Variants in KIAA0513 observed in about 807,000 individuals in gnomAD.
KIAA0513 encodes uncharacterized protein KIAA0513.
KIAA0513 carries 39 observed loss-of-function variants against 56.5 expected under a neutral mutation model. The observed-to-expected ratio is 0.69, with a 90% CI of 0.53 to 0.90. KIAA0513 has a LOEUF of 0.90. KIAA0513 is among the 40% of genes least tolerant of loss of function. KIAA0513 has a pLI of 0.00. For missense variants in KIAA0513, 591 were observed against 535.2 expected (o/e 1.10, Z -1.03); for synonymous variants, 268 against 215.6 (o/e 1.24, Z -2.13).
At chr16:85,047,964 G>A (rs958109034) in intron 1 of KIAA0513, among the ~76,000 whole-genome samples, 1 of 152,226 alleles carries the variant, frequency 6.6e-6, no homozygotes, top group African/African-American at 2.4e-5. Context: ...GCCACATTCA[G>A]TGGGCAGGGA....
At chr16:85,065,461 G>A (rs1035340634) in intron 1 of KIAA0513, among the ~76,000 whole-genome samples, 7 of 152,166 alleles carry the variant, frequency 4.6e-5, no homozygotes, top group Admixed American at 1.3e-4. Context: ...CTTGCTTTGC[G>A]GGGCTCCCCT....
chr16:85,090,393 C>A lies in KIAA0513; in HGVS notation c.*2068C>A, dbSNP rs961411326. 2.0e-5 allele frequency: 3 copies of A among 152,158 alleles called. No homozygotes were observed. Among genetic ancestry groups the A allele is most frequent in the African/African-American group, 4.8e-5 (2 of 41,430 alleles). 9.4% of individuals were successfully genotyped at this position (152,158 alleles called of 1,614,324 possible). A position where few individuals can be genotyped will look rare whatever the true frequency, so the allele number is the denominator to read the frequency against. On this transcript the variant is annotated 3_prime_UTR_variant, in exon 13 of 13. Coordinates refer to ENST00000683363, the MANE Select transcript of KIAA0513 (RefSeq NM_001388359.1). ...TGTTCTGCGGTGCCCACAGGACTTA[C>A]CCCTGTATGTACAGGATTTTTGTAT...
At chr16:85,073,752 G>T (rs2073614141) in intron 4 of KIAA0513, among the ~76,000 whole-genome samples, 1 of 152,206 alleles carries the variant, frequency 6.6e-6, no homozygotes, top group Non-Finnish European at 1.5e-5. Context: ...GGGCATATCT[G>T]TACCCCACTA....
At chr16:85,056,345 C>A (rs1420695752) in intron 1 of KIAA0513, among the ~76,000 whole-genome samples, 2 of 152,208 alleles carry the variant, frequency 1.3e-5, no homozygotes, top group African/African-American at 4.8e-5. Flanking sequence ...CTTTCAAACG[C>A]CCTGGAAGTT....
chr16:85,042,292 G>T (rs1325682867), intron 1 of KIAA0513, among the ~76,000 whole-genome samples: 1 of 152,176 alleles, frequency 6.6e-6, no homozygotes, highest in African/African-American at 2.4e-5. Context: ...TGCTAATCAC[G>T]TGCGGTCTGT....
chr16:85,071,672 C>G, intron 2 of KIAA0513, 111 bp from the exon 3 acceptor site: 1 of 876,742 alleles, frequency 1.1e-6, no homozygotes, highest in South Asian at 1.8e-5. Context: ...GGGGTCTGTG[C>G]TTGGCTGGGG....
intron 1 of KIAA0513, among the ~76,000 whole-genome samples, chr16:85,047,562 G>T (rs35283960): frequency 1.3e-5 from 2 of 152,136 alleles, no homozygotes; most frequent in Non-Finnish European, 1.5e-5. Context: ...TGGAAAGGAA[G>T]GTTTCCTCAG....
chr16:85,077,935 G>C (rs564776415), intron 6 of KIAA0513, among the ~76,000 whole-genome samples: 1 of 152,302 alleles, frequency 6.6e-6, no homozygotes, highest in East Asian at 1.9e-4. Flanking sequence ...TCCATCCCCT[G>C]GCTGGACCAA....
intron 6 of KIAA0513, 94 bp from the exon 7 acceptor site, chr16:85,078,321 C>A: frequency 7.4e-7 from 1 of 1,357,522 alleles, no homozygotes; most frequent in Non-Finnish European, 1.0e-6. Flanking sequence ...ATTAAATGTA[C>A]CCAGTCCCAC....
intron 10 of KIAA0513, among the ~76,000 whole-genome samples, chr16:85,085,910 C>T (rs1158545800): frequency 1.3e-5 from 2 of 152,224 alleles, no homozygotes; most frequent in East Asian, 1.9e-4. Context: ...TGGGTGCTGT[C>T]TTCACCATGG....
At chr16:85,046,494 C>A (rs1357477121) in intron 1 of KIAA0513, among the ~76,000 whole-genome samples, 1 of 152,224 alleles carries the variant, frequency 6.6e-6, no homozygotes, top group Non-Finnish European at 1.5e-5. Context: ...TTCGTCATTT[C>A]TAGTCCCCTT....
intron 6 of KIAA0513, among the ~76,000 whole-genome samples, chr16:85,077,966 C>T (rs143151003): frequency 1.2e-4 from 19 of 152,316 alleles, no homozygotes; most frequent in African/African-American, 3.6e-4. Context: ...TTGTGGAACA[C>T]GGTCTTGAGT....
At chr16:85,077,924 C>A (rs2073682983) in intron 6 of KIAA0513, among the ~76,000 whole-genome samples, 1 of 152,216 alleles carries the variant, frequency 6.6e-6, no homozygotes, top group Admixed American at 6.5e-5. Flanking sequence ...CCTCTGTCCC[C>A]TCCATCCCCT....
At chr16:85,041,591 G>C (rs1225220183) in intron 1 of KIAA0513, among the ~76,000 whole-genome samples, 3 of 152,206 alleles carry the variant, frequency 2.0e-5, no homozygotes, top group Non-Finnish European at 4.4e-5. Context: ...TGAATGGCTT[G>C]AACTGGACAA....
intron 1 of KIAA0513, among the ~76,000 whole-genome samples, chr16:85,041,975 C>G (rs2143869818): frequency 6.6e-6 from 1 of 152,320 alleles, no homozygotes; most frequent in African/African-American, 2.4e-5. Flanking sequence ...CCTTGTCTGT[C>G]TGCCAAGCCC....
At chr16:85,064,683 T>C (rs965906790) in intron 1 of KIAA0513, among the ~76,000 whole-genome samples, 2 of 152,190 alleles carry the variant, frequency 1.3e-5, no homozygotes, top group African/African-American at 4.8e-5. Context: ...CCTTTAATAA[T>C]TGTATTTCTT....
chr16:85,044,974 CGGGCGTGGTGGT>C (rs2073151856), intron 1 of KIAA0513, among the ~76,000 whole-genome samples: 1 of 151,448 alleles, frequency 6.6e-6, no homozygotes, highest in Admixed American at 6.6e-5. Flanking sequence ...AAAAATTAGC[CGGGCGTGGTGGT>C]GGGCACCTGT....
At position 85,091,887 on chromosome 16, in the gene KIAA0513, C is replaced by A. The variant is rs1216045506; in HGVS notation, c.*3562C>A. 6.6e-6 allele frequency: 1 copy of A among 151,562 alleles called. No homozygotes were observed. The highest frequency in any genetic ancestry group is 1.5e-5 in the Non-Finnish European group (1 of 68,014). 9.4% of individuals were successfully genotyped at this position (151,562 alleles called of 1,614,324 possible). Reference sequence around the variant, plus strand: ...TAACTGGGGTTCCTTAGCTGGAAGCCAGGGCTGGAAGCTACAGGCCTGACC... The same window carrying A: ...TAACTGGGGTTCCTTAGCTGGAAGCAAGGGCTGGAAGCTACAGGCCTGACC... On this transcript the variant is annotated 3_prime_UTR_variant, in exon 13 of 13. Transcript: ENST00000683363.
rs528910990 is a variant in KIAA0513 at position 85,045,733 on chromosome 16, GTCA to G, written c.-173+17879_-173+17881del. ...TTTGAAGAGTCAGTGGTCCTAAGTT[GTCA>G]TCAGGCAGGGGACCAGGTTCTGCTC... is the stretch of plus-strand genomic sequence containing the variant. On this transcript the variant is annotated intron_variant, in intron 1 of 12. Transcript: ENST00000683363. Among the ~76,000 whole-genome samples the G allele has an allele frequency of 4.6e-5, 7 of 152,318 alleles. No individual in the cohort carries two copies. In the East Asian group the frequency reaches 9.6e-4, roughly 21 times the overall value.
Sources: allele counts gnomAD v4.1 joint callset (sites outside exome capture counted in the v4.1 genomes callset), GRCh38; gene constraint gnomAD v4.1.1; transcripts MANE v1.5; gene names NCBI Gene and HGNC (gene_info 2026-07-23, HGNC 2026-07-21).